The following SRGN variants were observed in gnomAD, a reference collection of about 807,000 sequenced individuals.
SRGN encodes hematopoetic proteoglycan core peptide.
SRGN carries 2 observed loss-of-function variants against 9.5 expected under a neutral mutation model. The ratio of observed to expected loss-of-function variants is 0.21; its 90% CI spans 0.09 to 0.66. The LOEUF (loss-of-function observed/expected upper bound fraction) is 0.66, where lower values mean the gene tolerates loss of function less well. Ranked by LOEUF, SRGN falls within the 30% of genes least tolerant of loss-of-function variation. The probability of loss-of-function intolerance (pLI) is 0.83; values close to 1 mark genes in which losing one functional copy is unlikely to be tolerated. For synonymous variants in SRGN, 59 were observed against 72.3 expected (o/e 0.82, Z 0.93); for missense variants, 170 against 192.4 (o/e 0.88, Z 0.69).
intron 2 of SRGN, 33 bp downstream of exon 2, chr10:69,097,264 T>G: frequency 6.4e-7 from 1 of 1,561,372 alleles, no homozygotes; most frequent in East Asian, 2.3e-5. Context: ...AATTAATTAA[T>G]TACTTATTTA....
At chr10:69,099,558 G>A in intron 2 of SRGN, among the ~76,000 whole-genome samples, 1 of 151,940 alleles carries the variant, frequency 6.6e-6, no homozygotes, top group Non-Finnish European at 1.5e-5. Flanking sequence ...TCCCACCTCA[G>A]CCTCCCAAAG....
At chr10:69,088,038 C>T (rs183823438), upstream of SRGN, 39 of 715,708 alleles carry the variant, frequency 5.4e-5, no homozygotes, top group Admixed American at 3.5e-4. Flanking sequence ...GAAATTGTGA[C>T]GTGTGTTCTG....
At chr10:69,097,301 C>A in intron 2 of SRGN, 70 bp downstream of exon 2, 2 of 1,410,350 alleles carry the variant, frequency 1.4e-6, no homozygotes, top group Non-Finnish European at 2.0e-6. Flanking sequence ...ACTTTTCTTG[C>A]CCAGGCTGGA....
chr10:69,089,971 T>C (rs1419486826), intron 1 of SRGN, among the ~76,000 whole-genome samples: 1 of 152,106 alleles, frequency 6.6e-6, no homozygotes, highest in East Asian at 1.9e-4. Flanking sequence ...ATCATGAAAT[T>C]GTATAGAATA....
intron 1 of SRGN, among the ~76,000 whole-genome samples, chr10:69,091,086 A>G (rs933040436): frequency 2.0e-5 from 3 of 152,212 alleles, no homozygotes; most frequent in African/African-American, 7.2e-5. Context: ...GGTAATCATC[A>G]TCACATTCCC....
rs777516950 is a variant in SRGN at position 69,103,976 on chromosome 10, C to T, written c.333C>T (p.Gly111=). ...GCTCTGGATCAGGATCTGGGAGTGG[C>T]TTCCTAACGGAAATGGAACAGGATT... ...GSGSGSGSGS[G]FLTEMEQDYQ... Residue 111 remains glycine (G), a synonymous_variant, in exon 3 of 3, where the codon GGC becomes GGT. Coordinates refer to ENST00000242465, the MANE Select transcript of SRGN (RefSeq NM_002727.4). 2 of 1,614,188 alleles carry T rather than the reference C, an allele frequency of 1.2e-6. No homozygotes were observed. The highest frequency in any genetic ancestry group is 1.1e-5 in the South Asian group (1 of 91,084).
At chr10:69,090,367 T>C (rs573735224) in intron 1 of SRGN, among the ~76,000 whole-genome samples, 3 of 152,350 alleles carry the variant, frequency 2.0e-5, no homozygotes, top group Admixed American at 6.5e-5. Flanking sequence ...CAGGTCACTA[T>C]AGTGGTTTGC....
At chr10:69,099,361 A>G (rs973403320) in intron 2 of SRGN, among the ~76,000 whole-genome samples, 1 of 148,484 alleles carries the variant, frequency 6.7e-6, no homozygotes, top group Non-Finnish European at 1.5e-5. Flanking sequence ...GATGGAGTGC[A>G]GTGGTGTGAT....
chr10:69,089,452 A>G (rs1719646843), intron 1 of SRGN, among the ~76,000 whole-genome samples: 1 of 152,218 alleles, frequency 6.6e-6, no homozygotes, highest in South Asian at 2.1e-4. Flanking sequence ...TACAGTCTTG[A>G]ATGGCCAGAT....
rs1186891250 is a variant in SRGN, at chr10:69,104,228, T to A, written c.*108T>A. 4 of 1,413,372 alleles carry A rather than the reference T, an allele frequency of 2.8e-6. No individual in the cohort carries two copies. The allele number at this position is 1,413,372 out of a possible 1,614,324, so 87.6% of individuals were successfully genotyped here. A position where few individuals can be genotyped will look rare whatever the true frequency, so the allele number is the denominator to read the frequency against. The stretch of plus-strand genomic sequence containing the variant: ...AGAATTTTATAGAAATTTTTAAACA[T>A]CTGAAAAAGAAGCTTAAGTTTTATC... On this transcript the variant is annotated 3_prime_UTR_variant, in exon 3 of 3. Coordinates refer to ENST00000242465, the MANE Select transcript of SRGN (RefSeq NM_002727.4).
chr10:69,103,219 A>G (rs1407490940), intron 2 of SRGN, among the ~76,000 whole-genome samples: 1 of 151,928 alleles, frequency 6.6e-6, no homozygotes, highest in South Asian at 2.1e-4. Context: ...GATTACAGAC[A>G]TGAGCCACCA....
At chr10:69,090,648 C>G (rs1840033087) in intron 1 of SRGN, among the ~76,000 whole-genome samples, 1 of 152,184 alleles carries the variant, frequency 6.6e-6, no homozygotes, top group South Asian at 2.1e-4. Context: ...CTACCTATAT[C>G]TGCAATGACC....
At chr10:69,090,039 G>C (rs1011923565) in intron 1 of SRGN, among the ~76,000 whole-genome samples, 1 of 152,194 alleles carries the variant, frequency 6.6e-6, no homozygotes, top group African/African-American at 2.4e-5. Context: ...GGAAACCATA[G>C]AAAGAGACAA....
At chr10:69,089,925 A>G (rs1374293027) in intron 1 of SRGN, among the ~76,000 whole-genome samples, 1 of 152,110 alleles carries the variant, frequency 6.6e-6, no homozygotes, top group Non-Finnish European at 1.5e-5. Flanking sequence ...GAGAGAAAGA[A>G]AGGAAAGAAA....
At chr10:69,090,496 G>A (rs1029905580) in intron 1 of SRGN, among the ~76,000 whole-genome samples, 1 of 152,136 alleles carries the variant, frequency 6.6e-6, no homozygotes, top group Non-Finnish European at 1.5e-5. Flanking sequence ...ATCGCATTCT[G>A]AGGCCTCTCT....
chr10:69,097,072 T>C lies in SRGN; in HGVS notation c.80-12T>C, dbSNP rs753387252. ...AGTAGATACTTAGTAACAATGTGGG[T>C]TCCTCGGGCAGGTTATCCTACGCGG... On this transcript the variant is annotated splice_polypyrimidine_tract_variant and intron_variant, in intron 1 of 2. Coordinates refer to ENST00000242465, the MANE Select transcript of SRGN (RefSeq NM_002727.4). The C allele has an allele frequency of 8.7e-6, 14 of 1,612,566 alleles. No homozygotes were observed. Among genetic ancestry groups the C allele is most frequent in the South Asian group, 2.2e-5 (2 of 90,898 alleles).
At chr10:69,097,738 A>G (rs1411330446) in intron 2 of SRGN, among the ~76,000 whole-genome samples, 1 of 151,930 alleles carries the variant, frequency 6.6e-6, no homozygotes. Flanking sequence ...AATTTTTTGT[A>G]TTATTAGTAG....
intron 1 of SRGN, among the ~76,000 whole-genome samples, chr10:69,091,895 A>AAAAAG (rs1792484316): frequency 6.9e-5 from 7 of 101,246 alleles, no homozygotes; most frequent in African/African-American, 2.0e-4. Flanking sequence ...AAAAAAAAAA[A>AAAAAG]AAAAAAAAAA....
At chr10:69,090,120 C>T (rs997590270) in intron 1 of SRGN, among the ~76,000 whole-genome samples, 1 of 152,182 alleles carries the variant, frequency 6.6e-6, no homozygotes, top group Non-Finnish European at 1.5e-5. Context: ...CTTGTGCCCA[C>T]ATCTGAGCAT....
Sources: gnomAD v4.1 joint callset for allele counts (sites outside exome capture counted in the v4.1 genomes callset) on GRCh38, gnomAD v4.1.1 for gene constraint, MANE v1.5 for transcripts, NCBI Gene and HGNC (gene_info 2026-07-23, HGNC 2026-07-21) for gene names.